Variants in INPP5F observed in about 807,000 individuals in gnomAD.
INPP5F encodes the protein inositol polyphosphate-5-phosphatase F.
In INPP5F, 97 loss-of-function variants were observed where a neutral mutation model predicts 137.2. The ratio of observed to expected loss-of-function variants is 0.71; its 90% CI spans 0.60 to 0.84. The LOEUF (loss-of-function observed/expected upper bound fraction) is 0.84. INPP5F is among the 40% of genes least tolerant of loss of function. The pLI is 0.00. For synonymous variants in INPP5F, 504 were observed against 476.9 expected (o/e 1.06, Z -0.74); for missense variants, 1,271 against 1,371.9 (o/e 0.93, Z 1.16).
chr10:119,788,335 C>G (rs1210351252), intron 3 of INPP5F, among the ~76,000 whole-genome samples: 1 of 151,998 alleles, frequency 6.6e-6, no homozygotes, highest in Non-Finnish European at 1.5e-5. Flanking sequence ...GTGACATTTT[C>G]TAGATGGAGC....
intron 2 of INPP5F, among the ~76,000 whole-genome samples, chr10:119,762,471 C>T (rs540481361): frequency 3.4e-4 from 52 of 152,278 alleles, no homozygotes; most frequent in African/African-American, 1.2e-3. Flanking sequence ...GGCCCCACCT[C>T]CCAATACCAT....
In INPP5F at chr10:119,827,838, CTT is replaced by C. The variant is rs545191197; in HGVS notation, c.*59_*60del. 5.1e-4 allele frequency: 634 copies of C among 1,236,090 alleles called. 6 individuals are homozygous for C. The South Asian group carries it at 8.5e-3, about 17-fold the overall frequency. The allele number at this position is 1,236,090 out of a possible 1,614,324, so 76.6% of individuals were successfully genotyped here. A position where few individuals can be genotyped will look rare whatever the true frequency, so the allele number is the denominator to read the frequency against. ...ATTTAAAAATATGAAATTTTCACCT[CTT>C]GGGGTATTTTAATTGTACTGTCTGA... On this transcript the variant is annotated 3_prime_UTR_variant, in exon 20 of 20. Transcript: ENST00000650623.
rs1485729848 is a variant in INPP5F, at chr10:119,807,991, C to G, written c.1500C>G (p.Ile500Met). 2 of 1,613,848 alleles carry G rather than the reference C, an allele frequency of 1.2e-6. No individual in the cohort carries two copies. The highest frequency in any genetic ancestry group is 1.7e-6 in the Non-Finnish European group (2 of 1,179,962). ...CATTACCTGTGAAATGTAATCGCAT[C>G]TACCAGATAATGTGGGCCAATAATG... is the stretch of plus-strand genomic sequence containing the variant. ...EQPLPVKCNR[I>M]YQIMWANNGD... The change falls in exon 13 of 20, where the codon ATC (isoleucine) becomes ATG (methionine). Residue 500 changes from isoleucine (I) to methionine (M), a missense_variant. This residue lies in a region of INPP5F where 593 missense variants were observed against 712.4 expected (regional missense o/e 0.83). Transcript: ENST00000650623.
chr10:119,818,045 C>T (rs892085063), intron 15 of INPP5F, among the ~76,000 whole-genome samples: 3 of 152,220 alleles, frequency 2.0e-5, no homozygotes, highest in Non-Finnish European at 4.4e-5. Flanking sequence ...GCATTGGTCG[C>T]CGGATACAGA....
intron 2 of INPP5F, 40 bp downstream of exon 2, chr10:119,751,196 G>A: frequency 1.6e-6 from 2 of 1,240,166 alleles, no homozygotes; most frequent in Admixed American, 1.7e-5. Flanking sequence ...CAAATTTATT[G>A]TAGCATTTTT....
intron 1 of INPP5F, among the ~76,000 whole-genome samples, chr10:119,732,451 C>G (rs555260219): frequency 2.0e-5 from 3 of 150,656 alleles, no homozygotes; most frequent in African/African-American, 7.3e-5. Context: ...TTAACAGTAG[C>G]TAATAATAAC....
intron 1 of INPP5F, among the ~76,000 whole-genome samples, chr10:119,727,056 T>A (rs902437960): frequency 1.3e-5 from 2 of 152,250 alleles, no homozygotes; most frequent in African/African-American, 2.4e-5. Context: ...AAGTCTGCAA[T>A]TAGCTTGCTT....
chr10:119,811,283 C>T (rs61867945), intron 14 of INPP5F, among the ~76,000 whole-genome samples: 7,173 of 152,190 alleles, frequency 0.047, 304 homozygotes, highest in South Asian at 0.25. Flanking sequence ...GAAGCCTCCT[C>T]GAGTGTCATT....
At chr10:119,808,088 G>C (rs1392265538) in intron 13 of INPP5F, 28 bp downstream of exon 13, 1 of 1,603,940 alleles carries the variant, frequency 6.2e-7, no homozygotes, top group East Asian at 2.2e-5. Flanking sequence ...GCATCTGTGG[G>C]TCATTATGTA....
At chr10:119,822,872 C>A (rs954753027) in intron 17 of INPP5F, among the ~76,000 whole-genome samples, 199 bp from the exon 18 acceptor site, 4 of 152,148 alleles carry the variant, frequency 2.6e-5, no homozygotes, top group Admixed American at 2.0e-4. Context: ...GTGAAGATTA[C>A]CCCAGGGATC....
intron 1 of INPP5F, among the ~76,000 whole-genome samples, chr10:119,726,628 G>C (rs1847901299): frequency 6.6e-6 from 1 of 152,242 alleles, no homozygotes; most frequent in Non-Finnish European, 1.5e-5. Context: ...CGCCCTTGGG[G>C]CTTGGGGCCC....
chr10:119,746,115 G>A (rs1198560593), intron 1 of INPP5F, among the ~76,000 whole-genome samples: 1 of 152,076 alleles, frequency 6.6e-6, no homozygotes, highest in Non-Finnish European at 1.5e-5. Context: ...TACACTGTTT[G>A]CTTCATTATT....
chr10:119,790,371 T>C (rs529318477), intron 3 of INPP5F, among the ~76,000 whole-genome samples: 2 of 152,284 alleles, frequency 1.3e-5, no homozygotes, highest in Admixed American at 1.3e-4. Flanking sequence ...TCATCTTTAG[T>C]TCCCTTGTCT....
chr10:119,794,643 G>A (rs962061518), intron 6 of INPP5F, among the ~76,000 whole-genome samples: 3 of 150,126 alleles, frequency 2.0e-5, no homozygotes, highest in African/African-American at 4.9e-5. Flanking sequence ...CTGGCCAGGT[G>A]GGGGGCTGAC....
chr10:119,733,701 G>A (rs779274676), intron 1 of INPP5F, among the ~76,000 whole-genome samples: 37 of 152,246 alleles, frequency 2.4e-4, no homozygotes, highest in Middle Eastern at 3.2e-3. Context: ...GGCATGCTTT[G>A]GAGGAGAGGT....
chr10:119,802,327 G>T (rs1282319382), intron 9 of INPP5F, among the ~76,000 whole-genome samples: 1 of 152,162 alleles, frequency 6.6e-6, no homozygotes, highest in Admixed American at 6.5e-5. Flanking sequence ...GTAAAGGGAT[G>T]GAAAGAACCT....
In INPP5F at chr10:119,726,212, G is replaced by A. The variant is rs1847878081; in HGVS notation, c.-51G>A. On this transcript the variant is annotated 5_prime_UTR_variant, in exon 1 of 20. Transcript: ENST00000650623. Reference sequence around the variant, plus strand: ...TCTGGCGGCCTCGACCGACTAGGACGCCCCGTGCGCCGCCCGCGGGCCGCC... The same window carrying A: ...TCTGGCGGCCTCGACCGACTAGGACACCCCGTGCGCCGCCCGCGGGCCGCC... The A allele has an allele frequency of 1.6e-6, 2 of 1,229,998 alleles. No individual in the cohort carries two copies. The allele number at this position is 1,229,998 out of a possible 1,614,324, so 76.2% of individuals were successfully genotyped here.
chr10:119,789,323 T>C (rs1259656181), intron 3 of INPP5F, among the ~76,000 whole-genome samples: 1 of 152,194 alleles, frequency 6.6e-6, no homozygotes, highest in Non-Finnish European at 1.5e-5. Context: ...AAGCATGTTT[T>C]CAGGTTTTTA....
chr10:119,770,542 C>T (rs374893808), intron 2 of INPP5F, among the ~76,000 whole-genome samples: 19 of 152,240 alleles, frequency 1.2e-4, no homozygotes, highest in African/African-American at 2.6e-4. Context: ...ACATTCCTGC[C>T]GGACATCTCA....
Sources: gnomAD v4.1 joint callset for allele counts (sites outside exome capture counted in the v4.1 genomes callset) on GRCh38, gnomAD v4.1.1 for gene constraint, gnomAD v4.1.1 regional missense constraint, MANE v1.5 for transcripts, NCBI Gene and HGNC (gene_info 2026-07-23, HGNC 2026-07-21) for gene names.